The following LARGE1 variants were observed in gnomAD, a reference collection of about 807,000 sequenced individuals.
LARGE1 encodes the protein LARGE xylosyl- and glucuronyltransferase 1.
LARGE1 carries 43 observed loss-of-function variants against 87.6 expected under a neutral mutation model. That is an observed-to-expected ratio of 0.49 (90% CI 0.38 to 0.63). The LOEUF is 0.63. LARGE1 is among the 30% of genes least tolerant of loss of function. LARGE1 has a pLI of 0.00. For missense variants in LARGE1, 802 were observed against 1,000.2 expected (o/e 0.80, Z 2.67); for synonymous variants, 434 against 394.6 (o/e 1.10, Z -1.18).
rs180899048 is a variant in LARGE1 at position 33,529,652 on chromosome 22, G to T, written c.787+35196C>A. On this transcript the variant is annotated intron_variant, in intron 6 of 14. Transcript: ENST00000397394. ...ATCTGTGAAACGAAGGCAGGGGATCGGATCTTTTTCTGAGGTTTGCTGGAA... is the reference window on the plus strand; with the variant it reads ...ATCTGTGAAACGAAGGCAGGGGATCTGATCTTTTTCTGAGGTTTGCTGGAA... 1.3e-3 allele frequency among the ~76,000 whole-genome samples: 191 copies of T among 152,254 alleles called. 1 individual carries two copies. Among genetic ancestry groups the T allele is most frequent in the South Asian group, 8.1e-3 (39 of 4,816 alleles).
chr22:33,906,875 G>C (rs2065471185), intron 1 of LARGE1, among the ~76,000 whole-genome samples: 1 of 152,090 alleles, frequency 6.6e-6, no homozygotes, highest in Admixed American at 6.6e-5. Context: ...GCAAAGAGAT[G>C]AAGGGAAAGG....
chr22:33,278,333 T>C (rs1451496683), intron 13 of LARGE1, among the ~76,000 whole-genome samples: 1 of 152,130 alleles, frequency 6.6e-6, no homozygotes. Context: ...ACTCCTTGAT[T>C]TCAGCCCAGT....
At chr22:33,828,371 C>T (rs1274787420) in intron 1 of LARGE1, among the ~76,000 whole-genome samples, 1 of 152,162 alleles carries the variant, frequency 6.6e-6, no homozygotes, top group African/African-American at 2.4e-5. Flanking sequence ...GGCTTCTAAA[C>T]AAGGAAGGAG....
At chr22:33,634,520 C>G (rs1388182001) in intron 3 of LARGE1, among the ~76,000 whole-genome samples, 1 of 152,164 alleles carries the variant, frequency 6.6e-6, no homozygotes. Flanking sequence ...GAGAGCACCA[C>G]TTTTCTTCAC....
At chr22:33,184,108 T>G (rs1923347936) in intron 11 of LARGE1, among the ~76,000 whole-genome samples, 1 of 54,598 alleles carries the variant, frequency 1.8e-5, no homozygotes, top group South Asian at 5.0e-4. Context: ...ATATATCATA[T>G]CTTTATGCTA....
intron 6 of LARGE1, among the ~76,000 whole-genome samples, chr22:33,471,703 G>A (rs2068848588): frequency 6.6e-6 from 1 of 152,128 alleles, no homozygotes. Context: ...TACAAAAAGA[G>A]GCTGAAAGCA....
At chr22:33,321,317 C>A (rs1213169300) in intron 10 of LARGE1, among the ~76,000 whole-genome samples, 2 of 152,212 alleles carry the variant, frequency 1.3e-5, no homozygotes, top group African/African-American at 4.8e-5. Flanking sequence ...TCCTGGTGGG[C>A]AGGGATGGTA....
At chr22:33,908,956 C>G (rs1430889471) in intron 1 of LARGE1, among the ~76,000 whole-genome samples, 2 of 152,068 alleles carry the variant, frequency 1.3e-5, no homozygotes, top group African/African-American at 4.8e-5. Flanking sequence ...GCTTTAGGAG[C>G]CACTCATGAG....
intron 2 of LARGE1, among the ~76,000 whole-genome samples, chr22:33,757,611 T>C (rs947768649): frequency 2.0e-5 from 3 of 152,126 alleles, no homozygotes; most frequent in Admixed American, 6.5e-5. Context: ...CAGCCACATC[T>C]CAGAGGGAGT....
At chr22:33,680,901 A>G (rs1399485153) in intron 2 of LARGE1, among the ~76,000 whole-genome samples, 2 of 152,168 alleles carry the variant, frequency 1.3e-5, no homozygotes, top group Non-Finnish European at 2.9e-5. Context: ...GTTAAATGTG[A>G]CAACCATCAC....
intron 7 of LARGE1, among the ~76,000 whole-genome samples, chr22:33,393,868 T>C (rs2065621234): frequency 6.6e-6 from 1 of 152,162 alleles, no homozygotes; most frequent in Admixed American, 6.5e-5. Flanking sequence ...AATAAATAAA[T>C]GAATAAATAA....
At chr22:33,912,859 G>C (rs893145096) in intron 1 of LARGE1, among the ~76,000 whole-genome samples, 1 of 145,672 alleles carries the variant, frequency 6.9e-6, no homozygotes, top group Non-Finnish European at 1.5e-5. Flanking sequence ...TTGAGACGAA[G>C]TCTCACTGTT....
intron 2 of LARGE1, among the ~76,000 whole-genome samples, chr22:33,751,059 A>G (rs1483123120): frequency 6.6e-6 from 1 of 152,266 alleles, no homozygotes; most frequent in Non-Finnish European, 1.5e-5. Context: ...AAATTCTGCT[A>G]CCATCAAGAT....
rs560290044 is a variant in LARGE1, at chr22:33,687,836, G to A, written c.107-37168C>T. 1.1e-4 allele frequency among the ~76,000 whole-genome samples: 16 copies of A among 152,198 alleles called. No individual in the cohort carries two copies. The Middle Eastern group carries it at 0.01, about 97-fold the overall frequency. ...TACCCACTTAACAAGTAAAAATACC[G>A]AATACTAATATTTGTCCTATTCTTT... On this transcript the variant is annotated intron_variant, in intron 2 of 14. Coordinates refer to ENST00000397394, the MANE Select transcript of LARGE1 (RefSeq NM_133642.5).
chr22:33,410,430 G>C (rs1226853939), intron 7 of LARGE1, among the ~76,000 whole-genome samples: 1 of 151,934 alleles, frequency 6.6e-6, no homozygotes, highest in Admixed American at 6.6e-5. Context: ...ATGGGGGCGG[G>C]GGGCGGTTTC....
chr22:33,746,756 G>C (rs1002013891), intron 2 of LARGE1, among the ~76,000 whole-genome samples: 5 of 152,182 alleles, frequency 3.3e-5, no homozygotes, highest in African/African-American at 1.2e-4. Context: ...AGGGAGTGAG[G>C]CTGTTGTGCA....
intron 1 of LARGE1, among the ~76,000 whole-genome samples, chr22:33,915,042 C>CACACACACAGAG (rs144076486): frequency 0.021 from 2,862 of 136,940 alleles, 46 homozygotes; most frequent in South Asian, 0.038. Context: ...CACACACACA[C>CACACACACAGAG]AGAGAGAGAG....
At chr22:33,844,582 C>T (rs1271146443) in intron 1 of LARGE1, among the ~76,000 whole-genome samples, 8 of 152,060 alleles carry the variant, frequency 5.3e-5, no homozygotes, top group South Asian at 2.1e-4. Flanking sequence ...GACTGGGGAC[C>T]GGCATGACTG....
chr22:33,327,985 ACTGATG>A lies in LARGE1; in HGVS notation c.1287+9655_1287+9660del, dbSNP rs1264601537. ...GCCAGGCACTCTTTAATGAAGATGT[ACTGATG>A]AATAAAACAGATAAAAAGCCCCGTA... On this transcript the variant is annotated intron_variant, in intron 10 of 14. Coordinates refer to ENST00000397394, the MANE Select transcript of LARGE1 (RefSeq NM_133642.5). Among the ~76,000 whole-genome samples the A allele has an allele frequency of 2.1e-4, 19 of 90,840 alleles. No homozygotes were observed. The East Asian group carries it at 0.025, about 120-fold the overall frequency. The allele number at this position is 90,840 out of a possible 152,430, so 59.6% of individuals were successfully genotyped here.
Sources: allele counts gnomAD v4.1 joint callset (sites outside exome capture counted in the v4.1 genomes callset), GRCh38; gene constraint gnomAD v4.1.1; transcripts MANE v1.5; gene names NCBI Gene and HGNC (gene_info 2026-07-23, HGNC 2026-07-21).